ELF1: variants seen among roughly 807,000 people sequenced by gnomAD.
The protein encoded by ELF1 is ETS-related transcription factor Elf-1.
A neutral mutation model predicts 59.9 loss-of-function variants in ELF1; 24 were observed. That is an observed-to-expected ratio of 0.40 (90% CI 0.29 to 0.56). ELF1 has a LOEUF of 0.56. Among genes scored for constraint, ELF1 ranks in the 20% least tolerant of loss-of-function variants. ELF1 has a pLI of 0.44. For missense variants in ELF1, 627 were observed against 742.2 expected (o/e 0.84, Z 1.80); for synonymous variants, 248 against 266.2 (o/e 0.93, Z 0.67).
chr13:40,952,864 T>C (rs1261264816), intron 3 of ELF1, among the ~76,000 whole-genome samples: 1 of 152,090 alleles, frequency 6.6e-6, no homozygotes, highest in Non-Finnish European at 1.5e-5. Flanking sequence ...CTGTACAGGA[T>C]TATTTTGAAG....
chr13:41,016,946 AAAT>A (rs1875427382), intron 1 of ELF1, among the ~76,000 whole-genome samples: 1 of 76,730 alleles, frequency 1.3e-5, no homozygotes, highest in African/African-American at 5.0e-5. Context: ...AAAAAAAAAA[AAAT>A]ATATATATAT....
At chr13:40,983,949 T>C (rs1305701474) in intron 1 of ELF1, among the ~76,000 whole-genome samples, 1 of 152,188 alleles carries the variant, frequency 6.6e-6, no homozygotes, top group Admixed American at 6.5e-5. Flanking sequence ...AAGCCCCATT[T>C]ATTTCACAAA....
chr13:41,060,964 T>G, exon 1 of ELF1: 1 of 324,544 alleles, frequency 3.1e-6, no homozygotes, highest in South Asian at 2.3e-5. Flanking sequence ...GCCCACACGC[T>G]CCCGAGCTAG....
chr13:40,994,009 T>TA (rs1555276987), intron 1 of ELF1, among the ~76,000 whole-genome samples: 12,044 of 146,018 alleles, frequency 0.082, 655 homozygotes, highest in Middle Eastern at 0.14. Context: ...ATGCTAATAA[T>TA]AAAAAAAAAA....
At chr13:41,028,120 T>C (rs1182647190) in intron 1 of ELF1, among the ~76,000 whole-genome samples, 1 of 152,190 alleles carries the variant, frequency 6.6e-6, no homozygotes, top group Non-Finnish European at 1.5e-5. Context: ...GAAGTCTTAG[T>C]TCCAGAGAGA....
At chr13:41,008,441 G>A (rs945683532) in intron 1 of ELF1, among the ~76,000 whole-genome samples, 7 of 152,028 alleles carry the variant, frequency 4.6e-5, no homozygotes, top group Admixed American at 1.3e-4. Flanking sequence ...TGTATCTACC[G>A]CTTTGACTCT....
chr13:40,966,559 A>T (rs187707627), intron 2 of ELF1, among the ~76,000 whole-genome samples: 1 of 152,250 alleles, frequency 6.6e-6, no homozygotes, highest in Admixed American at 6.5e-5. Flanking sequence ...ACATTATGTG[A>T]CTCCCCTAAC....
chr13:40,952,968 A>G (rs1870952093), intron 3 of ELF1, among the ~76,000 whole-genome samples: 1 of 125,116 alleles, frequency 8.0e-6, no homozygotes, highest in Non-Finnish European at 1.6e-5. Context: ...TAAATATACT[A>G]ACAATAAATC....
Position 40,982,017 on chromosome 13 carries a change from T to C in ELF1, c.38A>G (p.Glu13Gly). 1.2e-6 allele frequency: 2 copies of C among 1,612,116 alleles called. No individual in the cohort carries two copies. ...AVVQQNDLVFEFASNVMEDER... is the reference protein window; with the variant it reads ...AVVQQNDLVFGFASNVMEDER... ...ATCCTCCATGACGTTACTAGCAAATTCAAATACTAGGTCGTTCTGTTGGAC... is the reference window on the plus strand; with the variant it reads ...ATCCTCCATGACGTTACTAGCAAATCCAAATACTAGGTCGTTCTGTTGGAC... Residue 13 changes from glutamate (E) to glycine (G), a missense_variant, in exon 2 of 9, where the codon GAA becomes GGA. Coordinates refer to ENST00000239882, the MANE Select transcript of ELF1 (RefSeq NM_172373.4).
Position 40,941,138 on chromosome 13 carries a change from G to A in ELF1, c.1039C>T (p.Pro347Ser). 1.2e-6 allele frequency: 2 copies of A among 1,614,118 alleles called. No homozygotes were observed. Among genetic ancestry groups the A allele is most frequent in the Non-Finnish European group, 1.7e-6 (2 of 1,179,994 alleles). The part of the protein sequence containing the change: ...VKGGATTVLK[P>S]GNSKAAKPKD... ...GGTTTTGCAGCTTTAGAATTCCCTG[G>A]TTTTAGAACTGTAGTGGCTCCTCCT... Residue 347 changes from proline (P) to serine (S), a missense_variant, in exon 8 of 9, where the codon CCA (proline) becomes TCA (serine). By Grantham distance (74) the Pro-to-Ser change is moderately conservative. Around this residue, in one of 3 missense-constraint regions of ELF1, gnomAD observed 361 missense variants for 396.1 expected, o/e 0.91. Transcript: ENST00000239882.
At chr13:41,039,100 T>G (rs1451861411) in intron 1 of ELF1, among the ~76,000 whole-genome samples, 1 of 149,836 alleles carries the variant, frequency 6.7e-6, no homozygotes, top group East Asian at 2.0e-4. Flanking sequence ...CATAAAAATG[T>G]AAATGCACTA....
rs144238426 is a variant in ELF1 at position 40,963,837 on chromosome 13, C to T, written c.73-4821G>A. On this transcript the variant is annotated intron_variant, in intron 2 of 8. Transcript: ENST00000239882. ...CAGGAGAATCACTTAACCCAGGAGG[C>T]AGAGGTTGCAGTGAGCCAAGATCGC... Among the ~76,000 whole-genome samples, 1,493 of 151,854 alleles carry T rather than the reference C, an allele frequency of 9.8e-3. 27 individuals are homozygous for T. The highest frequency in any genetic ancestry group is 0.034 in the African/African-American group (1,428 of 41,406).
chr13:40,961,029 T>C (rs970015392), intron 2 of ELF1, among the ~76,000 whole-genome samples: 2 of 152,232 alleles, frequency 1.3e-5, no homozygotes, highest in Admixed American at 1.3e-4. Context: ...GCCAGGCACC[T>C]TGCTATTTTC....
chr13:41,033,509 G>A (rs73176942), intron 1 of ELF1, among the ~76,000 whole-genome samples: 24,635 of 152,200 alleles, frequency 0.16, 2,093 homozygotes, highest in Non-Finnish European at 0.19. Flanking sequence ...ATTATGCTGA[G>A]TGAAAGAAGC....
rs199564946 is a variant in ELF1, at chr13:40,933,931, T to C, written c.1354A>G (p.Ile452Val). The C allele has an allele frequency of 1.2e-6, 2 of 1,614,264 alleles. No individual in the cohort carries two copies. Among genetic ancestry groups the C allele is most frequent in the Non-Finnish European group, 1.7e-6 (2 of 1,180,044 alleles). The change falls in exon 9 of 9, where the codon ATA becomes GTA. Residue 452 changes from isoleucine (I) to valine (V), a missense_variant. By Grantham distance (29) the Ile-to-Val change is conservative (BLOSUM62 3). Transcript: ENST00000239882. ...TLQTVPLTTV[I>V]ASTDPSAGTG... ...CCTGCTGATGGATCTGTGCTGGCTA[T>C]AACTGTTGTGAGTGGCACTGTTTGG...
chr13:40,967,434 G>C (rs1335962581), intron 2 of ELF1, among the ~76,000 whole-genome samples: 1 of 152,172 alleles, frequency 6.6e-6, no homozygotes, highest in Admixed American at 6.5e-5. Flanking sequence ...TGGAATTGTT[G>C]TAAGAATAAT....
intron 1 of ELF1, among the ~76,000 whole-genome samples, chr13:40,998,797 CTG>C (rs1874258486): frequency 6.6e-6 from 1 of 152,074 alleles, no homozygotes; most frequent in South Asian, 2.1e-4. Flanking sequence ...TAATAGGAAA[CTG>C]TTTTATGGAG....
Position 40,941,285 on chromosome 13 carries a change from A to G in ELF1, c.892T>C (p.Tyr298His). The change falls in exon 8 of 9, where the codon TAT (tyrosine) becomes CAT (histidine). Residue 298 changes from tyrosine to histidine, a missense_variant. Tyr to His is a moderately conservative substitution (Grantham distance 83, BLOSUM62 2). Coordinates refer to ENST00000239882, the MANE Select transcript of ELF1 (RefSeq NM_172373.4). ...GAACTTGGATCCTCATCATTTATAT[A>G]TATAAGATCTTTTGGCATTTCTTTA... Reference protein sequence around the residue: ...QFKEMPKDLIYINDEDPSSSI... With the variant: ...QFKEMPKDLIHINDEDPSSSI... 2.5e-6 allele frequency: 4 copies of G among 1,614,046 alleles called. No homozygotes were observed. The highest frequency in any genetic ancestry group is 2.5e-6 in the Non-Finnish European group (3 of 1,179,992).
At chr13:41,007,606 C>T (rs1593392266) in intron 1 of ELF1, among the ~76,000 whole-genome samples, 1 of 152,102 alleles carries the variant, frequency 6.6e-6, no homozygotes, top group Admixed American at 6.6e-5. Context: ...TCAGAACCAA[C>T]GCCTTCACTT....
Sources: allele counts gnomAD v4.1 joint callset (sites outside exome capture counted in the v4.1 genomes callset), GRCh38; gene constraint gnomAD v4.1.1; regional missense constraint gnomAD v4.1.1; transcripts MANE v1.5; gene names NCBI Gene and HGNC (gene_info 2026-07-23, HGNC 2026-07-21).